The following BTRC variants were observed in gnomAD, a reference collection of about 807,000 sequenced individuals.
BTRC encodes the protein beta-transducin repeat containing E3 ubiquitin protein ligase.
A neutral mutation model predicts 85.5 loss-of-function variants in BTRC; 42 were observed. The observed-to-expected ratio is 0.49, with a 90% CI of 0.38 to 0.64. BTRC has a LOEUF of 0.64. Among genes scored for constraint, BTRC ranks in the 30% least tolerant of loss-of-function variants. The pLI is 0.00. For synonymous variants in BTRC, 255 were observed against 263.3 expected (o/e 0.97, Z 0.30); for missense variants, 594 against 743.5 (o/e 0.80, Z 2.34).
chr10:101,507,002 T>C (rs1564813796), intron 4 of BTRC, among the ~76,000 whole-genome samples: 1 of 152,240 alleles, frequency 6.6e-6, no homozygotes, highest in African/African-American at 2.4e-5. Flanking sequence ...AATTATTTTT[T>C]GAAGGATTTT....
chr10:101,534,478 A>G (rs1355608331), intron 9 of BTRC, among the ~76,000 whole-genome samples, 183 bp from the exon 10 acceptor site: 2 of 152,046 alleles, frequency 1.3e-5, no homozygotes, highest in Non-Finnish European at 2.9e-5. Context: ...GCCCTCCACA[A>G]CTTGCCCATA....
chr10:101,377,122 A>G (rs1338230850), intron 1 of BTRC, among the ~76,000 whole-genome samples: 1 of 152,132 alleles, frequency 6.6e-6, no homozygotes, highest in African/African-American at 2.4e-5. Context: ...TATGTTTTTG[A>G]GAATGTCATA....
intron 13 of BTRC, among the ~76,000 whole-genome samples, chr10:101,544,514 G>T (rs1054216667): frequency 6.6e-6 from 1 of 151,226 alleles, no homozygotes; most frequent in Admixed American, 6.6e-5. Context: ...GTCTCAAGCA[G>T]TCCTCCTGAC....
intron 4 of BTRC, among the ~76,000 whole-genome samples, chr10:101,505,860 A>G (rs1171083997): frequency 6.6e-6 from 1 of 151,966 alleles, no homozygotes; most frequent in Non-Finnish European, 1.5e-5. Flanking sequence ...AAAATGACTC[A>G]GATTTGATCC....
At chr10:101,469,967 T>C (rs1945477797) in intron 3 of BTRC, among the ~76,000 whole-genome samples, 1 of 152,226 alleles carries the variant, frequency 6.6e-6, no homozygotes, top group South Asian at 2.1e-4. Context: ...CGCAGTTTGT[T>C]TTCTGTCTCC....
At chr10:101,360,804 C>CT (rs1942184870) in intron 1 of BTRC, among the ~76,000 whole-genome samples, 3 of 151,958 alleles carry the variant, frequency 2.0e-5, no homozygotes, top group South Asian at 4.2e-4. Context: ...GCCTAAAATA[C>CT]TTTTTAAATC....
chr10:101,385,366 C>CAAAAAAAAAAAAA (rs10718968), intron 1 of BTRC, among the ~76,000 whole-genome samples: 1 of 82,920 alleles, frequency 1.2e-5, no homozygotes, highest in Non-Finnish European at 2.5e-5. Context: ...GACTCTGTCT[C>CAAAAAAAAAAAAA]AAAAAAAAAA....
intron 6 of BTRC, among the ~76,000 whole-genome samples, chr10:101,528,748 T>C (rs1467812718): frequency 1.3e-5 from 2 of 152,226 alleles, no homozygotes; most frequent in Non-Finnish European, 2.9e-5. Context: ...TCTTTCAAGT[T>C]GTCTTACCAA....
intron 3 of BTRC, among the ~76,000 whole-genome samples, chr10:101,473,729 C>T (rs959988940): frequency 6.6e-6 from 1 of 151,886 alleles, no homozygotes; most frequent in Non-Finnish European, 1.5e-5. Flanking sequence ...CCTCGGCCTC[C>T]AAAGTGCTAG....
At chr10:101,426,799 G>C (rs1944263363) in intron 1 of BTRC, among the ~76,000 whole-genome samples, 1 of 152,154 alleles carries the variant, frequency 6.6e-6, no homozygotes, top group Non-Finnish European at 1.5e-5. Flanking sequence ...GTTCTGGTTG[G>C]TTTCTAGACC....
chr10:101,508,913 T>TAAAAAA (rs59998718), intron 4 of BTRC, among the ~76,000 whole-genome samples: 42 of 101,928 alleles, frequency 4.1e-4, no homozygotes, highest in African/African-American at 1.2e-3. Flanking sequence ...GACTCCATCT[T>TAAAAAA]AAAAAAAAAA....
chr10:101,491,463 G>A (rs532891720), intron 4 of BTRC, among the ~76,000 whole-genome samples: 1 of 152,258 alleles, frequency 6.6e-6, no homozygotes, highest in South Asian at 2.1e-4. Flanking sequence ...GGGAGGCTGA[G>A]GTGGGAGGAA....
intron 4 of BTRC, among the ~76,000 whole-genome samples, chr10:101,493,374 C>T (rs1946182661): frequency 6.6e-6 from 1 of 152,240 alleles, no homozygotes. Flanking sequence ...ACAATAGTCT[C>T]ATTGTGTTTA....
chr10:101,435,443 C>T (rs750536305), intron 2 of BTRC, among the ~76,000 whole-genome samples: 4 of 152,098 alleles, frequency 2.6e-5, no homozygotes, highest in Non-Finnish European at 4.4e-5. Context: ...CATATAAATG[C>T]CATCATATAG....
chr10:101,496,685 T>C (rs936391658), intron 4 of BTRC, among the ~76,000 whole-genome samples: 13 of 152,216 alleles, frequency 8.5e-5, no homozygotes, highest in Non-Finnish European at 1.9e-4. Flanking sequence ...TTCATTCACA[T>C]TTCTCTGAAC....
At position 101,430,472 on chromosome 10, in the gene BTRC, G is replaced by T; in HGVS notation, c.156+20G>T. 6.2e-7 allele frequency: 1 copy of T among 1,603,308 alleles called. No homozygotes were observed. The highest frequency in any genetic ancestry group is 1.1e-5 in the South Asian group (1 of 90,592). On this transcript the variant is annotated intron_variant, in intron 2 of 14. Coordinates refer to ENST00000370187, the MANE Select transcript of BTRC (RefSeq NM_033637.4). Reference sequence around the variant, plus strand: ...TTCCAGGTACTTTCTCTGTCTCTGTGGGTTATTTGCGGGCATTAGTGTATG... The same window carrying T: ...TTCCAGGTACTTTCTCTGTCTCTGTTGGTTATTTGCGGGCATTAGTGTATG...
chr10:101,435,463 T>C (rs1944503753), intron 2 of BTRC, among the ~76,000 whole-genome samples: 1 of 152,200 alleles, frequency 6.6e-6, no homozygotes, highest in Non-Finnish European at 1.5e-5. Flanking sequence ...GTGTACATTC[T>C]TTGTGTCTGT....
intron 5 of BTRC, among the ~76,000 whole-genome samples, chr10:101,523,846 A>T (rs1345397969): frequency 6.6e-6 from 1 of 152,158 alleles, no homozygotes; most frequent in East Asian, 1.9e-4. Context: ...TAACCCCTTT[A>T]TTGAACATTT....
chr10:101,425,274 A>G (rs905913756), intron 1 of BTRC, among the ~76,000 whole-genome samples: 4 of 152,146 alleles, frequency 2.6e-5, no homozygotes, highest in Non-Finnish European at 5.9e-5. Context: ...TGATTCAGGT[A>G]GTAGAAAACA....
Sources: gnomAD v4.1 joint callset for allele counts (sites outside exome capture counted in the v4.1 genomes callset) on GRCh38, gnomAD v4.1.1 for gene constraint, MANE v1.5 for transcripts, NCBI Gene and HGNC (gene_info 2026-07-23, HGNC 2026-07-21) for gene names.